LAMA3: variants seen among roughly 807,000 people sequenced by gnomAD.
LAMA3 encodes the protein laminin subunit alpha-3.
A neutral mutation model predicts 402.0 loss-of-function variants in LAMA3; 281 were observed. That is an observed-to-expected ratio of 0.70 (90% CI 0.63 to 0.77). The LOEUF is 0.77. LAMA3 is among the 30% of genes least tolerant of loss of function. The pLI, the probability that LAMA3 is intolerant of heterozygous loss-of-function variation, is 0.00. For missense variants in LAMA3, 3,840 were observed against 4,215.5 expected (o/e 0.91, Z 2.47); for synonymous variants, 1,431 against 1,558.4 (o/e 0.92, Z 1.93).
Position 23,837,089 on chromosome 18 carries a change from G to A in LAMA3, c.3093G>A (p.Leu1031=), listed in dbSNP as rs1216437971. The A allele has an allele frequency of 3.1e-6, 5 of 1,594,858 alleles. No homozygotes were observed. Among genetic ancestry groups the A allele is most frequent in the Admixed American group, 1.7e-5 (1 of 59,952 alleles). Residue 1031 remains leucine (L), a splice_region_variant and synonymous_variant, in exon 25 of 75, where the codon CTG becomes CTA. Coordinates refer to ENST00000313654, the MANE Select transcript of LAMA3 (RefSeq NM_198129.4). ...AGGGACACATGGCCCGATTCCTTCT[G>A]GTATGCTTCTGTTTTGCCCATTGAA... ...QLKGHMARFL[L]HQVCIIPIEE...
At chr18:23,822,158 A>T in intron 19 of LAMA3, 94 bp from the exon 20 acceptor site, 1 of 1,371,788 alleles carries the variant, frequency 7.3e-7, no homozygotes, top group Non-Finnish European at 1.0e-6. Context: ...TTACAAGTCC[A>T]GTAGTGACAC....
chr18:23,709,475 TA>T (rs926600528), intron 1 of LAMA3, among the ~76,000 whole-genome samples: 1 of 152,192 alleles, frequency 6.6e-6, no homozygotes, highest in Non-Finnish European at 1.5e-5. Context: ...CTCCTGCCTT[TA>T]AAAAAATCCT....
At chr18:23,760,413 G>T (rs1205139762) in intron 7 of LAMA3, among the ~76,000 whole-genome samples, 2 of 151,462 alleles carry the variant, frequency 1.3e-5, no homozygotes, top group African/African-American at 4.9e-5. Flanking sequence ...CAAGTTATAG[G>T]GTAATTTGTG....
In LAMA3 at chr18:23,845,083, C is replaced by T. The variant is rs527749488; in HGVS notation, c.3678C>T (p.Leu1226=). ...ACAAAAAATCCATGGACAAGTCACT[C>T]GAGTTTATCACCAATTGTGGAAAAA... ...ILHKKSMDKS[L]EFITNCGKNS... The change falls in exon 30 of 75, where the codon CTC becomes CTT. Residue 1226 remains leucine (L), a synonymous_variant. Transcript: ENST00000313654. 1.1e-5 allele frequency: 17 copies of T among 1,612,594 alleles called. No homozygotes were observed. Among genetic ancestry groups the T allele is most frequent in the South Asian group, 2.2e-5 (2 of 91,042 alleles).
intron 39 of LAMA3, 23 bp from the exon 40 acceptor site, chr18:23,881,913 T>G: frequency 6.7e-7 from 1 of 1,495,404 alleles, no homozygotes. Flanking sequence ...CTGCTGTGAA[T>G]TGTGCTGTTC....
intron 73 of LAMA3, among the ~76,000 whole-genome samples, chr18:23,952,032 CTAA>C (rs978764032): frequency 6.6e-6 from 1 of 152,182 alleles, no homozygotes; most frequent in Non-Finnish European, 1.5e-5. Context: ...GCCCAGCACA[CTAA>C]TAAGCTAGGC....
At chr18:23,777,441 TA>T in intron 10 of LAMA3, 115 bp from the exon 11 acceptor site, 1 of 757,950 alleles carries the variant, frequency 1.3e-6, no homozygotes. Flanking sequence ...AATTAGTCTC[TA>T]TATGCTACTT....
At chr18:23,774,836 CT>C (rs2062278936) in intron 9 of LAMA3, among the ~76,000 whole-genome samples, 1 of 152,230 alleles carries the variant, frequency 6.6e-6, no homozygotes, top group Non-Finnish European at 1.5e-5. Flanking sequence ...TTTCACTTTT[CT>C]TCCTTCTTCC....
Position 23,899,471 on chromosome 18 carries a change from A to G in LAMA3, c.6004+16A>G, listed in dbSNP as rs762507886. 6.2e-7 allele frequency: 1 copy of G among 1,612,524 alleles called. No homozygotes were observed. Among genetic ancestry groups the G allele is most frequent in the Admixed American group, 1.7e-5 (1 of 59,978 alleles). ...TCGCAGCTCTGTAAGAATGCTCCCA[A>G]ATTCTTGCATCCAGTCCATTCTAAT... On this transcript the variant is annotated intron_variant, in intron 47 of 74. Coordinates refer to ENST00000313654, the MANE Select transcript of LAMA3 (RefSeq NM_198129.4).
chr18:23,811,718 G>C (rs2063072339), intron 13 of LAMA3, among the ~76,000 whole-genome samples: 1 of 152,022 alleles, frequency 6.6e-6, no homozygotes, highest in African/African-American at 2.4e-5. Context: ...GGGAACAGGA[G>C]AACATCAGAA....
chr18:23,705,450 TACAC>T (rs35025245), intron 1 of LAMA3, among the ~76,000 whole-genome samples: 135 of 145,480 alleles, frequency 9.3e-4, no homozygotes, highest in South Asian at 7.3e-3. Context: ...TATCATGACA[TACAC>T]ACACACACAC....
Position 23,842,497 on chromosome 18 carries a change from G to C in LAMA3, c.3439G>C (p.Val1147Leu), listed in dbSNP as rs777645674. The C allele has an allele frequency of 6.2e-6, 10 of 1,614,128 alleles. No individual in the cohort carries two copies. Among genetic ancestry groups the C allele is most frequent in the Non-Finnish European group, 8.5e-6 (10 of 1,180,052 alleles). Residue 1147 changes from valine (V) to leucine (L), a missense_variant, in exon 28 of 75, where the codon GTG becomes CTG. Transcript: ENST00000313654. ...CCCGACGTTTCCCGCGCAGGTGTCG[G>C]TGGATGGCGGGTGGCCACGGGCAGG... ...AHPTFPAQVSVDGGWPRAGSF... is the reference protein window; with the variant it reads ...AHPTFPAQVSLDGGWPRAGSF...
chr18:23,731,727 T>A (rs1465129727), intron 2 of LAMA3, among the ~76,000 whole-genome samples: 12 of 152,182 alleles, frequency 7.9e-5, no homozygotes, highest in Non-Finnish European at 2.9e-5. Flanking sequence ...AAAAGGCTCA[T>A]GTCTTTAAAG....
At position 23,916,703 on chromosome 18, in the gene LAMA3, A is replaced by C; in HGVS notation, c.7923+8A>C. On this transcript the variant is annotated splice_region_variant and intron_variant, in intron 60 of 74. Transcript: ENST00000313654. The stretch of plus-strand genomic sequence containing the variant: ...TTCTTTGCAGAAAACGGGGTAATCT[A>C]TAACAAGCATCCAGATACAACCAAA... 2.5e-6 allele frequency: 4 copies of C among 1,613,936 alleles called. No individual in the cohort carries two copies. Among genetic ancestry groups the C allele is most frequent in the Non-Finnish European group, 3.4e-6 (4 of 1,179,808 alleles).
At position 23,877,930 on chromosome 18, in the gene LAMA3, T is replaced by A. The variant is rs951033223; in HGVS notation, c.5112+1523T>A. 2.0e-5 allele frequency among the ~76,000 whole-genome samples: 3 copies of A among 151,912 alleles called. No homozygotes were observed. The South Asian group carries it at 6.3e-4, about 32-fold the overall frequency. On this transcript the variant is annotated intron_variant, in intron 39 of 74. Coordinates refer to ENST00000313654, the MANE Select transcript of LAMA3 (RefSeq NM_198129.4). Reference sequence around the variant, plus strand: ...TTCGAGACCATTCTGGCTAACACAGTGAAACCCTGTCTCTACTAAAAAAAT... The same window carrying A: ...TTCGAGACCATTCTGGCTAACACAGAGAAACCCTGTCTCTACTAAAAAAAT...
intron 2 of LAMA3, among the ~76,000 whole-genome samples, chr18:23,734,185 C>T (rs968906540): frequency 2.6e-5 from 4 of 152,230 alleles, no homozygotes; most frequent in East Asian, 1.9e-4. Context: ...GCAGTGGGGT[C>T]GCCTAAACAT....
intron 62 of LAMA3, among the ~76,000 whole-genome samples, chr18:23,925,971 T>A (rs1475372398): frequency 1.3e-5 from 2 of 152,230 alleles, no homozygotes; most frequent in Non-Finnish European, 2.9e-5. Context: ...ACCAGCTGTG[T>A]GACCTTAGGC....
chr18:23,691,857 C>T (rs2060594443), intron 1 of LAMA3, among the ~76,000 whole-genome samples: 1 of 152,214 alleles, frequency 6.6e-6, no homozygotes, highest in East Asian at 1.9e-4. Context: ...CAGGCATGAG[C>T]CACTGCACCC....
intron 12 of LAMA3, among the ~76,000 whole-genome samples, chr18:23,788,498 CA>C (rs2062589587): frequency 2.6e-5 from 4 of 151,694 alleles, no homozygotes; most frequent in Middle Eastern, 3.4e-3. Context: ...AATAGAGGAA[CA>C]AAAAATACAT....
Sources: allele counts gnomAD v4.1 joint callset (sites outside exome capture counted in the v4.1 genomes callset), GRCh38; gene constraint gnomAD v4.1.1; transcripts MANE v1.5; gene names NCBI Gene and HGNC (gene_info 2026-07-23, HGNC 2026-07-21).